The following SHANK2 variants were observed in gnomAD, a reference collection of about 807,000 sequenced individuals.
SHANK2 encodes SH3 and multiple ankyrin repeat domains 2.
SHANK2 carries 43 observed loss-of-function variants against 133.7 expected under a neutral mutation model. That is an observed-to-expected ratio of 0.32 (90% confidence interval 0.25 to 0.41). The LOEUF (loss-of-function observed/expected upper bound fraction) is 0.41. Among genes scored for constraint, SHANK2 ranks in the 10% least tolerant of loss-of-function variants. SHANK2 has a pLI of 1.00. For missense variants in SHANK2, 1,994 were observed against 2,235.8 expected (o/e 0.89, Z 2.18); for synonymous variants, 1,017 against 952.8 (o/e 1.07, Z -1.24).
intron 15 of SHANK2, among the ~76,000 whole-genome samples, chr11:70,665,747 G>A (rs538717362): frequency 6.6e-6 from 1 of 152,294 alleles, no homozygotes; most frequent in Admixed American, 6.5e-5. Context: ...AGAAACCTCT[G>A]GCTTGTAAGT....
chr11:70,502,754 AGT>A lies in SHANK2; in HGVS notation c.2197+40_2197+41del. 10 of 254,028 alleles carry A rather than the reference AGT, an allele frequency of 3.9e-5. No individual in the cohort carries two copies. The South Asian group carries it at 4.4e-4, about 11-fold the overall frequency. 15.7% of individuals were successfully genotyped at this position (254,028 alleles called of 1,614,324 possible). ...CTGCCCGCCCCCACCCCCCCCCCCCAGTAGGGCCCCAGGCTGGAGCTGGGCGA... is the reference window on the plus strand; with the variant it reads ...CTGCCCGCCCCCACCCCCCCCCCCCAAGGGCCCCAGGCTGGAGCTGGGCGA... On this transcript the variant is annotated intron_variant, in intron 18 of 25. Coordinates refer to ENST00000601538, the MANE Select transcript of SHANK2 (RefSeq NM_012309.5).
intron 2 of SHANK2, among the ~76,000 whole-genome samples, chr11:71,156,177 G>A (rs782271874): frequency 1.5e-4 from 23 of 152,322 alleles, no homozygotes; most frequent in Non-Finnish European, 2.6e-4. Flanking sequence ...AATGTCTGTC[G>A]TCTAGACTGC....
At chr11:70,573,423 T>C (rs117017163) in intron 17 of SHANK2, among the ~76,000 whole-genome samples, 2,470 of 151,248 alleles carry the variant, frequency 0.016, 30 homozygotes, top group Non-Finnish European at 0.024. Context: ...ACTTATAGAA[T>C]TGCACACTTT....
chr11:70,474,713 T>C (rs1445443256), intron 25 of SHANK2: 1 of 152,252 alleles, frequency 6.6e-6, no homozygotes, highest in Non-Finnish European at 1.5e-5. Context: ...TTTGGGCCCA[T>C]TCACGTGGAT....
intron 17 of SHANK2, among the ~76,000 whole-genome samples, chr11:70,543,651 A>G (rs985276988): frequency 3.3e-5 from 5 of 152,200 alleles, no homozygotes; most frequent in African/African-American, 4.8e-5. Flanking sequence ...CCTTTATAAG[A>G]AACCGGCAAA....
chr11:70,600,418 CAAAAA>C (rs56103044), intron 17 of SHANK2, among the ~76,000 whole-genome samples: 2 of 95,466 alleles, frequency 2.1e-5, no homozygotes, highest in African/African-American at 3.8e-5. Flanking sequence ...GACTCTGTCT[CAAAAA>C]AAAAAAAAAA....
intron 13 of SHANK2, among the ~76,000 whole-genome samples, chr11:70,803,847 G>A (rs1385821007): frequency 2.0e-5 from 3 of 151,656 alleles, no homozygotes; most frequent in Admixed American, 6.6e-5. Context: ...TGGGGGAATC[G>A]GAACATGTAC....
chr11:71,104,276 G>A (rs547549574), intron 6 of SHANK2, among the ~76,000 whole-genome samples: 1 of 152,220 alleles, frequency 6.6e-6, no homozygotes, highest in South Asian at 2.1e-4. Flanking sequence ...GAGAAGTAGG[G>A]GTTAATGTCT....
intron 10 of SHANK2, among the ~76,000 whole-genome samples, chr11:70,929,153 T>C (rs1371116215): frequency 1.3e-5 from 2 of 152,234 alleles, no homozygotes; most frequent in African/African-American, 2.4e-5. Flanking sequence ...GGTTGCCATC[T>C]GTTAGTGGTG....
At chr11:70,565,284 G>A (rs2059954359) in intron 17 of SHANK2, among the ~76,000 whole-genome samples, 1 of 152,094 alleles carries the variant, frequency 6.6e-6, no homozygotes, top group Non-Finnish European at 1.5e-5. Flanking sequence ...TTGCTCTGCT[G>A]CCAAGGCTGG....
chr11:70,572,762 G>A lies in SHANK2; in HGVS notation c.2062-69831C>T, dbSNP rs544536300. Among the ~76,000 whole-genome samples, 12 of 152,304 alleles carry A rather than the reference G, an allele frequency of 7.9e-5. No individual in the cohort carries two copies. The South Asian group carries it at 2.1e-3, about 26-fold the overall frequency. On this transcript the variant is annotated intron_variant, in intron 17 of 25. Transcript: ENST00000601538. ...AAGACGGCACACACCAAGTGCCGGC[G>A]AGGCCCAGGAGAGGCTGACCCGCCA...
At chr11:70,503,974 AG>A (rs34019638) in intron 17 of SHANK2, among the ~76,000 whole-genome samples, 172 of 152,302 alleles carry the variant, frequency 1.1e-3, no homozygotes, top group African/African-American at 4.0e-3. Context: ...TGAGCTCCAC[AG>A]GGGGCCTCTG....
intron 17 of SHANK2, among the ~76,000 whole-genome samples, chr11:70,605,631 G>A (rs2136347891): frequency 6.6e-6 from 1 of 152,344 alleles, no homozygotes; most frequent in East Asian, 1.9e-4. Flanking sequence ...GGCGCACGGG[G>A]AGCATGTCCA....
intron 17 of SHANK2, among the ~76,000 whole-genome samples, chr11:70,518,798 T>C (rs1469199025): frequency 1.3e-5 from 2 of 152,222 alleles, no homozygotes; most frequent in Non-Finnish European, 2.9e-5. Flanking sequence ...TGCCACTTAG[T>C]GTTTTTAGCA....
intron 2 of SHANK2, among the ~76,000 whole-genome samples, chr11:71,147,664 C>T (rs1952683951): frequency 6.6e-6 from 1 of 152,192 alleles, no homozygotes; most frequent in African/African-American, 2.4e-5. Context: ...ATGACCACAG[C>T]TTACAAAGAT....
chr11:70,515,992 G>A (rs1399203705), intron 17 of SHANK2, among the ~76,000 whole-genome samples: 1 of 151,804 alleles, frequency 6.6e-6, no homozygotes, highest in Non-Finnish European at 1.5e-5. Flanking sequence ...TGTTTTCAGT[G>A]TGTTTGTTTT....
At chr11:70,834,836 G>A (rs1948783716) in intron 11 of SHANK2, among the ~76,000 whole-genome samples, 2 of 152,140 alleles carry the variant, frequency 1.3e-5, no homozygotes. Flanking sequence ...TGGAAAATCG[G>A]GGTGAGGGCA....
intron 14 of SHANK2, among the ~76,000 whole-genome samples, chr11:70,764,798 A>G (rs1465428892): frequency 6.7e-6 from 1 of 149,252 alleles, no homozygotes; most frequent in African/African-American, 2.5e-5. Context: ...TCACACATCC[A>G]TCTGTGCTTT....
At chr11:70,936,840 C>T (rs781842667) in intron 10 of SHANK2, among the ~76,000 whole-genome samples, 13 of 152,180 alleles carry the variant, frequency 8.5e-5, no homozygotes, top group East Asian at 1.9e-4. Context: ...AAAACACCTC[C>T]AATGAAGGGT....
Sources: gnomAD v4.1 joint callset for allele counts (sites outside exome capture counted in the v4.1 genomes callset) on GRCh38, gnomAD v4.1.1 for gene constraint, MANE v1.5 for transcripts, NCBI Gene and HGNC (gene_info 2026-07-23, HGNC 2026-07-21) for gene names.